Variants in ANTXRL observed in about 807,000 individuals in gnomAD.
ANTXRL encodes anthrax toxin receptor-like.
A neutral mutation model predicts 75.4 loss-of-function variants in ANTXRL; 63 were observed. The ratio of observed to expected loss-of-function variants is 0.84; its 90% CI spans 0.68 to 1.03. The LOEUF is 1.03. Ranked by LOEUF, ANTXRL falls within the 50% of genes least tolerant of loss-of-function variation. The probability of loss-of-function intolerance (pLI) is 0.00; values close to 1 mark genes in which losing one functional copy is unlikely to be tolerated. For synonymous variants in ANTXRL, 335 were observed against 291.3 expected, an observed-to-expected ratio of 1.15 and a Z score of -1.53; for missense variants, 797 against 789.4, an observed-to-expected ratio of 1.01 and a Z score of -0.12.
At chr10:46,309,223 C>T in intron 13 of ANTXRL, 21 bp downstream of exon 13, 1 of 1,535,574 alleles carries the variant, frequency 6.5e-7, no homozygotes, top group Non-Finnish European at 8.7e-7. Context: ...CCTGCCCGCC[C>T]AGCTCTGGGG....
At chr10:46,293,004 G>T in intron 2 of ANTXRL, 1 of 152,740 alleles carries the variant, frequency 6.5e-6, no homozygotes. Context: ...GAGAGGAGAG[G>T]GAGGAGGGAA....
Position 46,304,492 on chromosome 10 carries a change from A to T in ANTXRL, c.895+1672A>T, listed in dbSNP as rs562058325. 3.9e-5 allele frequency among the ~76,000 whole-genome samples: 6 copies of T among 152,234 alleles called. No individual in the cohort carries two copies. The South Asian group carries it at 1.2e-3, about 32-fold the overall frequency. ...AAGGCTGGACAGGCAGTTCTTGGGCACATGTTCCTGTAGAAGTATTTTTTT... is the reference window on the plus strand; with the variant it reads ...AAGGCTGGACAGGCAGTTCTTGGGCTCATGTTCCTGTAGAAGTATTTTTTT... On this transcript the variant is annotated intron_variant, in intron 10 of 16. Transcript: ENST00000620264.
At chr10:46,308,538 T>G in intron 12 of ANTXRL, 2 of 434,602 alleles carry the variant, frequency 4.6e-6, no homozygotes, top group South Asian at 3.3e-5. Context: ...GATTCCTTTA[T>G]TGCGAAGAAC....
At chr10:46,329,520 T>C in intron 16 of ANTXRL, 79 bp from the exon 17 acceptor site, 1 of 1,488,996 alleles carries the variant, frequency 6.7e-7, no homozygotes, top group Non-Finnish European at 8.9e-7. Context: ...CCCCATCCCT[T>C]TGAGCCAGGC....
At chr10:46,323,010 T>C (rs1415553019) in intron 16 of ANTXRL, among the ~76,000 whole-genome samples, 1 of 152,112 alleles carries the variant, frequency 6.6e-6, no homozygotes, top group African/African-American at 2.4e-5. Flanking sequence ...CTATTTGGAG[T>C]CCGTTTATTT....
At chr10:46,305,649 C>T (rs545275692) in intron 10 of ANTXRL, among the ~76,000 whole-genome samples, 14 of 152,270 alleles carry the variant, frequency 9.2e-5, no homozygotes, top group East Asian at 3.9e-4. Context: ...CGCCCTCTCC[C>T]GCACTTCAGG....
Position 46,307,410 on chromosome 10 carries a change from C to T in ANTXRL, c.974C>T (p.Ser325Phe), listed in dbSNP as rs1554962182. 1 of 1,535,784 alleles carries T rather than the reference C, an allele frequency of 6.5e-7. No individual in the cohort carries two copies. Among genetic ancestry groups the T allele is most frequent in the South Asian group, 1.2e-5 (1 of 84,018 alleles). Residue 325 changes from serine to phenylalanine, a missense_variant, in exon 12 of 17, where the codon TCT becomes TTT. Around this residue, in one of 3 missense-constraint regions of ANTXRL, gnomAD observed 479 missense variants for 422.0 expected, o/e 1.14. Coordinates refer to ENST00000620264, the MANE Select transcript of ANTXRL (RefSeq NM_001278688.3). ...PKLEKPGEEY[S>F]IEVSLNKGKT... ...CATTTTCTATGCTTTAGGGAGTACT[C>T]TATTGAAGTCAGCTTGAACAAAGGC...
rs529658428 is a variant in ANTXRL at position 46,330,116 on chromosome 10, G to A, written c.*32G>A. Reference sequence around the variant, plus strand: ...AAACACCCAAGATTAACAGGCTTTTGTTGCTGAACTGGACATATACATTGA... The same window carrying A: ...AAACACCCAAGATTAACAGGCTTTTATTGCTGAACTGGACATATACATTGA... On this transcript the variant is annotated 3_prime_UTR_variant, in exon 17 of 17. Transcript: ENST00000620264. The A allele has an allele frequency of 1.3e-4, 185 of 1,476,576 alleles. 1 individual carries two copies. Among genetic ancestry groups the A allele is most frequent in the Non-Finnish European group, 1.6e-4 (177 of 1,116,666 alleles). The allele number at this position is 1,476,576 out of a possible 1,614,324, so 91.5% of individuals were successfully genotyped here.
intron 16 of ANTXRL, among the ~76,000 whole-genome samples, chr10:46,316,937 C>T (rs1838759612): frequency 6.6e-6 from 1 of 152,092 alleles, no homozygotes; most frequent in Non-Finnish European, 1.5e-5. Context: ...TCTATGGGTG[C>T]TGTGTGAGTG....
chr10:46,311,676 CACAG>C lies in ANTXRL; in HGVS notation c.1329+12_1329+15del. 1.1e-6 allele frequency: 1 copy of C among 929,978 alleles called. No homozygotes were observed. The highest frequency in any genetic ancestry group is 1.7e-6 in the Non-Finnish European group (1 of 594,310). 57.6% of individuals were successfully genotyped at this position (929,978 alleles called of 1,614,324 possible). A position where few individuals can be genotyped will look rare whatever the true frequency, so the allele number is the denominator to read the frequency against. On this transcript the variant is annotated intron_variant, in intron 15 of 16. Coordinates refer to ENST00000620264, the MANE Select transcript of ANTXRL (RefSeq NM_001278688.3). ...ATGAGAAGGATAGAGGTGAGAAGGG[CACAG>C]TGGAGAGGGGCTGTGACCCCAGCAT...
chr10:46,318,169 A>G (rs1838824872), intron 16 of ANTXRL, among the ~76,000 whole-genome samples: 1 of 152,126 alleles, frequency 6.6e-6, no homozygotes, highest in Non-Finnish European at 1.5e-5. Flanking sequence ...CAGTGGGTAA[A>G]CACTAGGTCT....
At chr10:46,308,792 C>G (rs1838254441) in intron 12 of ANTXRL, 23 of 404,048 alleles carry the variant, frequency 5.7e-5, no homozygotes, top group South Asian at 5.2e-4. Flanking sequence ...GCACCTCCAC[C>G]CTCACCTGTC....
chr10:46,310,398 A>G, intron 13 of ANTXRL, 63 bp from the exon 14 acceptor site: 13 of 1,469,390 alleles, frequency 8.8e-6, no homozygotes, highest in Non-Finnish European at 1.2e-5. Flanking sequence ...AGCTGTGTGC[A>G]GGGCCAAGGC....
At chr10:46,318,072 C>A (rs1554964981) in intron 16 of ANTXRL, among the ~76,000 whole-genome samples, 1 of 152,046 alleles carries the variant, frequency 6.6e-6, no homozygotes, top group African/African-American at 2.4e-5. Context: ...CTCAGAGCTC[C>A]CTGGATCTCC....
In ANTXRL at chr10:46,293,365, A is replaced by AGT. The variant is rs1565015134; in HGVS notation, c.321-460_321-459dup. 5.6e-3 allele frequency among the ~76,000 whole-genome samples: 481 copies of AGT among 85,920 alleles called. 8 individuals are homozygous for AGT. The highest frequency in any genetic ancestry group is 0.024 in the African/African-American group (465 of 19,630). 56.4% of individuals were successfully genotyped at this position (85,920 alleles called of 152,430 possible). ...GTGTGCGTGCATGTGTGTGCATGTG[A>AGT]GTGTGCCTGTGTGTGAGTGTGTGCC... On this transcript the variant is annotated intron_variant, in intron 2 of 16. Coordinates refer to ENST00000620264, the MANE Select transcript of ANTXRL (RefSeq NM_001278688.3).
chr10:46,316,467 C>T (rs1351804831), intron 16 of ANTXRL, among the ~76,000 whole-genome samples: 56 of 152,254 alleles, frequency 3.7e-4, no homozygotes, highest in African/African-American at 1.1e-3. Flanking sequence ...GGCTCCAGGT[C>T]CTTACTGTGT....
In ANTXRL at chr10:46,313,264, C is replaced by G; in HGVS notation, c.1358C>G (p.Ser453Cys). The change falls in exon 16 of 17, where the codon TCT becomes TGT. Residue 453 changes from serine (S) to cysteine (C), a missense_variant. Physicochemically the swap from Ser to Cys is moderately radical, Grantham distance 112 (BLOSUM62 -1). Transcript: ENST00000620264. Reference sequence around the variant, plus strand: ...AATCTGGATACCTTTTGTGACCTCTCTCACGCAAGCTGCCACCAGGTGCCA... The same window carrying G: ...AATCTGGATACCTTTTGTGACCTCTGTCACGCAAGCTGCCACCAGGTGCCA... The part of the protein sequence containing the change: ...EGNLDTFCDL[S>C]HASCHQVPWM... 5.2e-6 allele frequency: 8 copies of G among 1,535,906 alleles called. No individual in the cohort carries two copies. The highest frequency in any genetic ancestry group is 7.0e-6 in the Non-Finnish European group (8 of 1,146,748).
Position 46,329,567 on chromosome 10 carries a change from C to T in ANTXRL, c.1411-32C>T, listed in dbSNP as rs140720812. 3.6e-5 allele frequency: 55 copies of T among 1,526,128 alleles called. 1 individual carries two copies. The East Asian group carries it at 3.9e-4, about 11-fold the overall frequency. The allele number at this position is 1,526,128 out of a possible 1,614,324, so 94.5% of individuals were successfully genotyped here. A position where few individuals can be genotyped will look rare whatever the true frequency, so the allele number is the denominator to read the frequency against. Reference sequence around the variant, plus strand: ...TCTGAGCCCAGTTCGAATGCCATCACGGTGACCTTCTCTCTCTTCTCTTCC... The same window carrying T: ...TCTGAGCCCAGTTCGAATGCCATCATGGTGACCTTCTCTCTCTTCTCTTCC... On this transcript the variant is annotated intron_variant, in intron 16 of 16. Coordinates refer to ENST00000620264, the MANE Select transcript of ANTXRL (RefSeq NM_001278688.3).
chr10:46,327,307 C>T (rs1358042970), intron 16 of ANTXRL, among the ~76,000 whole-genome samples: 27 of 152,026 alleles, frequency 1.8e-4, no homozygotes, highest in African/African-American at 5.8e-4. Context: ...CAGAGCTTCT[C>T]TGGAGGGTGT....
Sources: allele counts gnomAD v4.1 joint callset (sites outside exome capture counted in the v4.1 genomes callset), GRCh38; gene constraint gnomAD v4.1.1; regional missense constraint gnomAD v4.1.1; transcripts MANE v1.5; gene names NCBI Gene and HGNC (gene_info 2026-07-23, HGNC 2026-07-21).